The following PRPS2 variants were observed in gnomAD, a reference collection of about 807,000 sequenced individuals.
The protein encoded by PRPS2 is phosphoribosyl pyrophosphate synthetase 2.
For synonymous variants in PRPS2, 111 were observed against 115.3 expected (o/e 0.96, Z 0.24); for missense variants, 104 against 271.5 (o/e 0.38, Z 4.34).
chrX:12,798,508 G>C (rs1301386012), intron 1 of PRPS2, among the ~76,000 whole-genome samples: 2 of 112,040 alleles, frequency 1.8e-5, no homozygotes, highest in African/African-American at 6.5e-5. Context: ...ACCCTATCAA[G>C]AGTTGAAATT....
chrX:12,810,308 C>A, intron 4 of PRPS2, 162 bp downstream of exon 4: 2 of 604,193 alleles, frequency 3.3e-6, no homozygotes, highest in South Asian at 3.7e-5. Flanking sequence ...AGAAACCCAT[C>A]ATCTTTGTTA....
chrX:12,805,250 A>G (rs2042587776), intron 2 of PRPS2, among the ~76,000 whole-genome samples: 1 of 112,743 alleles, frequency 8.9e-6, no homozygotes, highest in South Asian at 3.6e-4. Flanking sequence ...CTGAGAATCA[A>G]GTAGGCTCAG....
intron 4 of PRPS2, among the ~76,000 whole-genome samples, chrX:12,810,850 T>TAAAA (rs540857235): frequency 2.2e-5 from 2 of 89,599 alleles, no homozygotes; most frequent in African/African-American, 8.4e-5. Flanking sequence ...ACCCTGACTC[T>TAAAA]AAAAAAAAAA....
intron 1 of PRPS2, among the ~76,000 whole-genome samples, 153 bp downstream of exon 1, chrX:12,791,772 C>T (rs980855171): frequency 3.6e-5 from 4 of 110,463 alleles, no homozygotes; most frequent in African/African-American, 1.3e-4. Context: ...CGCGCCCCCG[C>T]GCCCGCGCCT....
chrX:12,823,002 G>T lies in PRPS2; in HGVS notation c.*206G>T. ...TTTGGGGAAATGGTGGTGGTTATTT[G>T]GTCTTTAAGTGAACTGTCTTAAATG... On this transcript the variant is annotated 3_prime_UTR_variant, in exon 7 of 7. Coordinates refer to ENST00000380668, the MANE Select transcript of PRPS2 (RefSeq NM_002765.5). 2 of 406,023 alleles carry T rather than the reference G, an allele frequency of 4.9e-6. No homozygotes were observed. The highest frequency in any genetic ancestry group is 4.5e-5 in the Admixed American group (1 of 22,097). 33.5% of individuals were successfully genotyped at this position (406,023 alleles called of 1,213,427 possible).
Position 12,804,223 on chromosome X carries a change from C to T in PRPS2, c.306+4833C>T, listed in dbSNP as rs182600965. 3.1e-3 allele frequency among the ~76,000 whole-genome samples: 341 copies of T among 109,501 alleles called. 4 individuals are homozygous for T. Among genetic ancestry groups the T allele is most frequent in the Non-Finnish European group, 5.3e-3 (278 of 52,617 alleles). ...GTGGCACAATCTTGGCTCACTGCAA[C>T]CTCTGCCTCCGGGGTTCAAGCAATT... On this transcript the variant is annotated intron_variant, in intron 2 of 6. Coordinates refer to ENST00000380668, the MANE Select transcript of PRPS2 (RefSeq NM_002765.5).
At chrX:12,822,212 C>T (rs1356007766) in intron 6 of PRPS2, among the ~76,000 whole-genome samples, 2 of 111,656 alleles carry the variant, frequency 1.8e-5, no homozygotes, top group African/African-American at 3.3e-5. Context: ...GCTGCTTTCA[C>T]GCTACAATGG....
At chrX:12,801,240 GTGTGTGTGTGTGTA>G (rs1296431073) in intron 2 of PRPS2, among the ~76,000 whole-genome samples, 10 of 106,792 alleles carry the variant, frequency 9.4e-5, no homozygotes, top group African/African-American at 2.9e-4. Flanking sequence ...GTGTGTGTGT[GTGTGTGTGTGTGTA>G]TGTGTGTGTG....
chrX:12,797,625 T>G (rs1478106321), intron 1 of PRPS2, among the ~76,000 whole-genome samples: 1 of 112,085 alleles, frequency 8.9e-6, no homozygotes, highest in Non-Finnish European at 1.9e-5. Flanking sequence ...ATGCTCAAAT[T>G]GTTCCAAATA....
At chrX:12,819,451 T>G in intron 4 of PRPS2, 56 bp from the exon 5 acceptor site, 1 of 1,148,643 alleles carries the variant, frequency 8.7e-7, no homozygotes, top group South Asian at 2.1e-5. Flanking sequence ...AAATACAACT[T>G]TAAAGGCGAG....
chrX:12,801,236 GTGTGTGTGTGTGTGTGTA>G (rs1285461299), intron 2 of PRPS2, among the ~76,000 whole-genome samples: 3 of 107,627 alleles, frequency 2.8e-5, no homozygotes, highest in Non-Finnish European at 3.8e-5. Context: ...GTGTGTGTGT[GTGTGTGTGTGTGTGTGTA>G]TGTGTGTGTG....
intron 2 of PRPS2, among the ~76,000 whole-genome samples, chrX:12,808,588 G>A (rs889028990): frequency 8.9e-6 from 1 of 112,382 alleles, no homozygotes; most frequent in Non-Finnish European, 1.9e-5. Flanking sequence ...AAATTAAATA[G>A]TAACTATTAT....
At chrX:12,807,861 A>G (rs752614972) in intron 2 of PRPS2, among the ~76,000 whole-genome samples, 2 of 92,019 alleles carry the variant, frequency 2.2e-5, no homozygotes, top group South Asian at 5.6e-4. Flanking sequence ...ACATACATGC[A>G]TACCTTTTTT....
In PRPS2 at chrX:12,809,218, A is replaced by G. The variant is rs768942737; in HGVS notation, c.307-16A>G. The G allele has an allele frequency of 8.4e-7, 1 of 1,193,758 alleles. No individual in the cohort carries two copies. Among genetic ancestry groups the G allele is most frequent in the Non-Finnish European group, 1.1e-6 (1 of 884,038 alleles). On this transcript the variant is annotated splice_polypyrimidine_tract_variant and intron_variant, in intron 2 of 6. Coordinates refer to ENST00000380668, the MANE Select transcript of PRPS2 (RefSeq NM_002765.5). ...TCCATCTTTTCCTGTTATAAAATTA[A>G]TGTTCTTACTTGTAGAGTCGTGCCC...
intron 4 of PRPS2, among the ~76,000 whole-genome samples, 200 bp from the exon 5 acceptor site, chrX:12,819,307 C>T (rs967551438): frequency 8.9e-6 from 1 of 112,290 alleles, no homozygotes; most frequent in Non-Finnish European, 1.9e-5. Context: ...CTAGCTGCCC[C>T]AATTGCAAGG....
At chrX:12,819,831 T>A in intron 5 of PRPS2, 151 bp downstream of exon 5, 1 of 696,702 alleles carries the variant, frequency 1.4e-6, no homozygotes, top group South Asian at 4.0e-5. Flanking sequence ...TTTATCTTTA[T>A]ACTTCTTTCT....
rs763227392 is a variant in PRPS2 at position 12,791,454 on chromosome X, A to G, written c.-44A>G. 1.3e-4 allele frequency: 153 copies of G among 1,176,736 alleles called. No homozygotes were observed. Among genetic ancestry groups the G allele is most frequent in the Middle Eastern group, 2.4e-4 (1 of 4,102 alleles). On this transcript the variant is annotated 5_prime_UTR_variant, in exon 1 of 7. Coordinates refer to ENST00000380668, the MANE Select transcript of PRPS2 (RefSeq NM_002765.5). ...CGTCGCTGTCGCTGTTGCCTCCGCC[A>G]CCTCCTCCGCCGCCGCGCGCCCCTC...
chrX:12,820,515 T>C, intron 5 of PRPS2, 129 bp from the exon 6 acceptor site: 1 of 674,322 alleles, frequency 1.5e-6, no homozygotes. Context: ...CTTAGGTTAA[T>C]AAATGTGAGT....
intron 2 of PRPS2, among the ~76,000 whole-genome samples, chrX:12,808,061 G>A (rs144336823): frequency 0.055 from 6,051 of 109,764 alleles, 191 homozygotes; most frequent in Non-Finnish European, 0.091. Context: ...TAGAGACAGC[G>A]TTTCACCATG....
Sources: allele counts gnomAD v4.1 joint callset (sites outside exome capture counted in the v4.1 genomes callset), GRCh38; gene constraint gnomAD v4.1.1; transcripts MANE v1.5; gene names NCBI Gene and HGNC (gene_info 2026-07-23, HGNC 2026-07-21).